Variants in NRXN1 observed in about 807,000 individuals in gnomAD.
The protein encoded by NRXN1 is neurexin 1.
In NRXN1, 39 loss-of-function variants were observed where a neutral mutation model predicts 150.9. The ratio of observed to expected loss-of-function variants is 0.26; its 90% CI spans 0.20 to 0.34. The LOEUF (loss-of-function observed/expected upper bound fraction) is 0.34. NRXN1 is among the 10% of genes least tolerant of loss of function. NRXN1 has a pLI of 1.00. For missense variants in NRXN1, 1,815 were observed against 1,949.9 expected, an observed-to-expected ratio of 0.93 and a Z score of 1.30; for synonymous variants, 924 against 757.0, an observed-to-expected ratio of 1.22 and a Z score of -3.62.
At chr2:50,481,421 G>A (rs1195416850) in intron 15 of NRXN1, among the ~76,000 whole-genome samples, 2 of 152,122 alleles carry the variant, frequency 1.3e-5, no homozygotes, top group Admixed American at 6.5e-5. Flanking sequence ...TAAATATTAG[G>A]TATTCAAATT....
chr2:49,956,046 A>C (rs542276289), intron 21 of NRXN1, among the ~76,000 whole-genome samples: 74 of 152,236 alleles, frequency 4.9e-4, no homozygotes, highest in African/African-American at 1.7e-3. Context: ...TTATGCATTA[A>C]TCTTTTACCC....
intron 17 of NRXN1, among the ~76,000 whole-genome samples, chr2:50,456,788 G>C (rs893796995): frequency 6.6e-6 from 1 of 151,726 alleles, no homozygotes; most frequent in Non-Finnish European, 1.5e-5. Context: ...GCATCCTCTT[G>C]TATTTCTCTG....
At chr2:51,030,586 C>T (rs1671362492) in intron 1 of NRXN1, among the ~76,000 whole-genome samples, 1 of 151,626 alleles carries the variant, frequency 6.6e-6, no homozygotes, top group Non-Finnish European at 1.5e-5. Flanking sequence ...TGGGTGTGCG[C>T]ACATACACAC....
At chr2:50,887,105 A>G (rs570210176) in intron 5 of NRXN1, among the ~76,000 whole-genome samples, 1 of 151,580 alleles carries the variant, frequency 6.6e-6, no homozygotes, top group Admixed American at 6.6e-5. Flanking sequence ...TTATCTCAGA[A>G]TGCAAGTTAC....
At position 49,918,886 on chromosome 2, in the gene NRXN1, A is replaced by C. The variant is rs1394850116; in HGVS notation, c.*3058T>G. On this transcript the variant is annotated 3_prime_UTR_variant, in exon 23 of 23. Transcript: ENST00000401669. ...AGTTGTATTAAGAAATATTTTATTAACAAAACAGTAAATTCCACTTGCTTA... is the reference window on the plus strand; with the variant it reads ...AGTTGTATTAAGAAATATTTTATTACCAAAACAGTAAATTCCACTTGCTTA... The C allele has an allele frequency of 2.0e-5, 3 of 152,172 alleles. No individual in the cohort carries two copies. Among genetic ancestry groups the C allele is most frequent in the Non-Finnish European group, 2.9e-5 (2 of 67,984 alleles). 9.4% of individuals were successfully genotyped at this position (152,172 alleles called of 1,614,324 possible). A position where few individuals can be genotyped will look rare whatever the true frequency, so the allele number is the denominator to read the frequency against.
At chr2:50,023,056 G>C (rs1687799689) in intron 21 of NRXN1, 1 of 152,184 alleles carries the variant, frequency 6.6e-6, no homozygotes, top group Non-Finnish European at 1.5e-5. Flanking sequence ...GAAGAAACAA[G>C]AATGCACTGA....
chr2:50,300,252 A>G lies in NRXN1; in HGVS notation c.3365-63282T>C, dbSNP rs186762902. On this transcript the variant is annotated intron_variant, in intron 17 of 22. Coordinates refer to ENST00000401669, the MANE Select transcript of NRXN1 (RefSeq NM_001330078.2). ...TTAAGCTGGACTGAGTAAATTGGGT[A>G]AGACCACCCTGATCCTAGTGATGCC... is the stretch of plus-strand genomic sequence containing the variant. 1.4e-4 allele frequency among the ~76,000 whole-genome samples: 22 copies of G among 152,338 alleles called. No individual in the cohort carries two copies. In the East Asian group the frequency reaches 4.0e-3, roughly 28 times the overall value.
rs1473575320 is a variant in NRXN1, at chr2:50,278,270, ATG to A, written c.3365-41302_3365-41301del. On this transcript the variant is annotated intron_variant, in intron 17 of 22. Transcript: ENST00000401669. ...TATATATATATTATATATATTATATATGTATTATATATATAATACATATATAA... is the reference window on the plus strand; with the variant it reads ...TATATATATATTATATATATTATATATATTATATATATAATACATATATAA... Among the ~76,000 whole-genome samples the A allele has an allele frequency of 5.9e-4, 52 of 88,108 alleles. No homozygotes were observed. In the Middle Eastern group the frequency reaches 0.022, roughly 36 times the overall value. The allele number at this position is 88,108 out of a possible 152,430, so 57.8% of individuals were successfully genotyped here.
intron 5 of NRXN1, among the ~76,000 whole-genome samples, chr2:50,692,098 T>C (rs1000831227): frequency 2.0e-5 from 3 of 151,388 alleles, no homozygotes; most frequent in Admixed American, 1.3e-4. Flanking sequence ...TTCTATCTAA[T>C]CCTTGCTAAT....
intron 1 of NRXN1, among the ~76,000 whole-genome samples, chr2:51,030,914 G>A (rs557984313): frequency 2.0e-5 from 3 of 151,648 alleles, no homozygotes; most frequent in South Asian, 2.1e-4. Context: ...CTCTGTTGGA[G>A]CCAATTATTG....
At chr2:50,846,949 T>C (rs146905974) in intron 5 of NRXN1, among the ~76,000 whole-genome samples, 2,194 of 152,290 alleles carry the variant, frequency 0.014, 28 homozygotes, top group Non-Finnish European at 0.023. Context: ...AACAAATGGA[T>C]AGTCATGGAA....
chr2:50,327,876 C>T (rs1294718788), intron 17 of NRXN1, among the ~76,000 whole-genome samples: 1 of 152,124 alleles, frequency 6.6e-6, no homozygotes, highest in Non-Finnish European at 1.5e-5. Context: ...TCGCGAACTC[C>T]TGACCTCAAG....
At chr2:50,083,385 C>G (rs1286503523) in intron 19 of NRXN1, among the ~76,000 whole-genome samples, 1 of 152,120 alleles carries the variant, frequency 6.6e-6, no homozygotes, top group East Asian at 1.9e-4. Context: ...GAGAATCTTG[C>G]TCTCTCTTTT....
intron 15 of NRXN1, among the ~76,000 whole-genome samples, chr2:50,484,175 C>CT (rs1235780154): frequency 1.3e-5 from 2 of 152,190 alleles, no homozygotes; most frequent in African/African-American, 2.4e-5. Flanking sequence ...CACAAAAAAA[C>CT]TTACAGACAT....
At chr2:49,971,233 G>C (rs973660133) in intron 21 of NRXN1, among the ~76,000 whole-genome samples, 1 of 152,004 alleles carries the variant, frequency 6.6e-6, no homozygotes, top group African/African-American at 2.4e-5. Context: ...TTAATTGATT[G>C]CCCTTGTACC....
Position 49,920,743 on chromosome 2 carries a change from T to A in NRXN1, c.*1201A>T, listed in dbSNP as rs201082948. 1.5e-5 allele frequency: 2 copies of A among 135,924 alleles called. No homozygotes were observed. The highest frequency in any genetic ancestry group is 2.8e-5 in the African/African-American group (1 of 36,056). The allele number at this position is 135,924 out of a possible 1,614,324, so 8.4% of individuals were successfully genotyped here. A position where few individuals can be genotyped will look rare whatever the true frequency, so the allele number is the denominator to read the frequency against. ...GTGTGTGTGTGTGTGTGTGTGTGTGTGAAAATAGTGAATGTATGTGGGAAT... is the reference window on the plus strand; with the variant it reads ...GTGTGTGTGTGTGTGTGTGTGTGTGAGAAAATAGTGAATGTATGTGGGAAT... On this transcript the variant is annotated 3_prime_UTR_variant, in exon 23 of 23. Coordinates refer to ENST00000401669, the MANE Select transcript of NRXN1 (RefSeq NM_001330078.2).
chr2:50,993,444 T>C (rs906845872), intron 2 of NRXN1, among the ~76,000 whole-genome samples: 2 of 151,902 alleles, frequency 1.3e-5, no homozygotes, highest in Non-Finnish European at 2.9e-5. Context: ...TTTATGTTTC[T>C]ATTAACTCAG....
intron 18 of NRXN1, among the ~76,000 whole-genome samples, chr2:50,190,324 C>T (rs2061364695): frequency 6.6e-6 from 1 of 151,900 alleles, no homozygotes; most frequent in African/African-American, 2.4e-5. Flanking sequence ...GTTGAGAATG[C>T]CACACCAAAT....
chr2:50,559,932 C>A (rs929678196), intron 8 of NRXN1, among the ~76,000 whole-genome samples: 4 of 152,058 alleles, frequency 2.6e-5, no homozygotes, highest in African/African-American at 9.7e-5. Context: ...AATTTTAGCA[C>A]ATATAAAGTT....
Sources: allele counts gnomAD v4.1 joint callset (sites outside exome capture counted in the v4.1 genomes callset), GRCh38; gene constraint gnomAD v4.1.1; transcripts MANE v1.5; gene names NCBI Gene and HGNC (gene_info 2026-07-23, HGNC 2026-07-21).